RIMS2: variants seen among roughly 807,000 people sequenced by gnomAD.
The protein encoded by RIMS2 is regulating synaptic membrane exocytosis protein 2.
RIMS2 carries 59 observed loss-of-function variants against 174.4 expected under a neutral mutation model. The observed-to-expected ratio is 0.34, with a 90% CI of 0.27 to 0.42. The LOEUF is 0.42. RIMS2 is among the 10% of genes least tolerant of loss of function. The pLI, the probability that RIMS2 is intolerant of heterozygous loss-of-function variation, is 1.00. For synonymous variants in RIMS2, 606 were observed against 572.5 expected (o/e 1.06, Z -0.84); for missense variants, 1,620 against 1,666.3 (o/e 0.97, Z 0.48).
intron 19 of RIMS2, among the ~76,000 whole-genome samples, chr8:104,088,036 T>A (rs1598538232): frequency 6.6e-6 from 1 of 152,110 alleles, no homozygotes; most frequent in African/African-American, 2.4e-5. Flanking sequence ...TAGACCATTA[T>A]CACATAATAC....
At chr8:103,734,389 A>G (rs1369220872) in intron 2 of RIMS2, among the ~76,000 whole-genome samples, 1 of 147,954 alleles carries the variant, frequency 6.8e-6, no homozygotes, top group South Asian at 2.1e-4. Flanking sequence ...ACTTTTGTAC[A>G]TCTGAAAATG....
At chr8:104,233,840 A>G (rs1308532476) in intron 19 of RIMS2, among the ~76,000 whole-genome samples, 1 of 152,206 alleles carries the variant, frequency 6.6e-6, no homozygotes, top group African/African-American at 2.4e-5. Context: ...CTTTCAGCCT[A>G]AAGATTCTGG....
rs572726942 is a variant in RIMS2, at chr8:103,591,807, A to G, written c.176+90745A>G. On this transcript the variant is annotated intron_variant, in intron 1 of 23. Coordinates refer to ENST00000504942, the Ensembl canonical transcript of RIMS2. ...ACTGCCTTAATTACTATGGATTTAG[A>G]ATAAGTATTGAAGATGGGATGTTTA... Among the ~76,000 whole-genome samples, 9 of 151,294 alleles carry G rather than the reference A, an allele frequency of 5.9e-5. No individual in the cohort carries two copies. In the East Asian group the frequency reaches 1.5e-3, roughly 26 times the overall value.
intron 9 of RIMS2, chr8:103,918,703 A>G (rs2077067968): frequency 1.9e-6 from 1 of 516,272 alleles, no homozygotes; most frequent in South Asian, 2.6e-5. Context: ...ATGTCTTATT[A>G]CAGATTTTTA....
intron 13 of RIMS2, among the ~76,000 whole-genome samples, chr8:103,941,014 G>A (rs978549039): frequency 2.6e-5 from 4 of 152,086 alleles, no homozygotes; most frequent in African/African-American, 9.7e-5. Context: ...TTGTGTCTTT[G>A]AACAAGTTAT....
chr8:104,153,387 G>T (rs534829659), intron 19 of RIMS2, among the ~76,000 whole-genome samples: 1 of 152,080 alleles, frequency 6.6e-6, no homozygotes, highest in African/African-American at 2.4e-5. Flanking sequence ...GAATTGACAC[G>T]TGCTATCCTA....
At chr8:103,742,874 T>G (rs1477430567) in intron 2 of RIMS2, among the ~76,000 whole-genome samples, 1 of 152,168 alleles carries the variant, frequency 6.6e-6, no homozygotes, top group Non-Finnish European at 1.5e-5. Flanking sequence ...GAGGACATTA[T>G]CTTACATATA....
At chr8:103,824,675 T>G (rs1302426418) in intron 3 of RIMS2, among the ~76,000 whole-genome samples, 1 of 152,188 alleles carries the variant, frequency 6.6e-6, no homozygotes, top group African/African-American at 2.4e-5. Flanking sequence ...GTAGAGCAGC[T>G]CTGGTATAGA....
intron 3 of RIMS2, among the ~76,000 whole-genome samples, chr8:103,814,871 T>C (rs1279787624): frequency 1.3e-5 from 2 of 152,120 alleles, no homozygotes; most frequent in South Asian, 2.1e-4. Context: ...TCTATACTGA[T>C]ATAGAAGGGG....
exon 23 of RIMS2, chr8:104,251,129 C>A: frequency 6.2e-7 from 1 of 1,613,084 alleles, no homozygotes; most frequent in South Asian, 1.1e-5. Context: ...CAGCTATTAT[C>A]TTTCGAAGAG....
At chr8:103,965,714 T>C (rs1299159225) in intron 15 of RIMS2, among the ~76,000 whole-genome samples, 4 of 152,156 alleles carry the variant, frequency 2.6e-5, no homozygotes, top group African/African-American at 9.6e-5. Context: ...CCTTACCTTG[T>C]TTCTGATCTC....
At position 103,668,246 on chromosome 8, in the gene RIMS2, A is replaced by T. The variant is rs143001062; in HGVS notation, c.177-28840A>T. Among the ~76,000 whole-genome samples, 10 of 152,314 alleles carry T rather than the reference A, an allele frequency of 6.6e-5. No individual in the cohort carries two copies. The East Asian group carries it at 1.9e-3, about 29-fold the overall frequency. ...CCAAGGCAACCTAGTTGATTCAATT[A>T]GTTTTGCTTAATGTTACTGTATTTG... On this transcript the variant is annotated intron_variant, in intron 1 of 23. Coordinates refer to ENST00000504942, the Ensembl canonical transcript of RIMS2.
At chr8:104,057,994 A>G (rs1032017139) in intron 19 of RIMS2, among the ~76,000 whole-genome samples, 2 of 151,906 alleles carry the variant, frequency 1.3e-5, no homozygotes, top group African/African-American at 4.8e-5. Flanking sequence ...TTGGTTCCAC[A>G]TCTTTGCTAT....
intron 13 of RIMS2, among the ~76,000 whole-genome samples, chr8:103,940,449 G>A (rs1180445595): frequency 6.6e-6 from 1 of 152,020 alleles, no homozygotes; most frequent in Non-Finnish European, 1.5e-5. Context: ...TATTGTGGGA[G>A]TTAAAATTCA....
intron 2 of RIMS2, among the ~76,000 whole-genome samples, chr8:103,703,834 A>AT (rs1248712633): frequency 6.6e-6 from 1 of 151,880 alleles, no homozygotes; most frequent in Non-Finnish European, 1.5e-5. Flanking sequence ...TTGTATGTTG[A>AT]TTTTGTATCC....
chr8:104,152,050 CTTT>C (rs2098693079), intron 19 of RIMS2, among the ~76,000 whole-genome samples: 1 of 152,090 alleles, frequency 6.6e-6, no homozygotes, highest in Non-Finnish European at 1.5e-5. Flanking sequence ...ATATATCTTT[CTTT>C]GATTGTATTT....
In RIMS2 at chr8:103,854,447, A is replaced by C. The variant is rs139039699; in HGVS notation, c.699-30851A>C. On this transcript the variant is annotated intron_variant, in intron 3 of 23. Transcript: ENST00000504942. Reference sequence around the variant, plus strand: ...CCTTGTCTTGTTCCATTTCTCAAGGAGAATGGTTCCAGCTTTTGCCTAATC... The same window carrying C: ...CCTTGTCTTGTTCCATTTCTCAAGGCGAATGGTTCCAGCTTTTGCCTAATC... Among the ~76,000 whole-genome samples, 580 of 152,044 alleles carry C rather than the reference A, an allele frequency of 3.8e-3. 1 individual carries two copies. The highest frequency in any genetic ancestry group is 7.0e-3 in the Non-Finnish European group (477 of 67,914).
intron 19 of RIMS2, among the ~76,000 whole-genome samples, chr8:104,049,145 C>G (rs1597738538): frequency 2.0e-5 from 3 of 150,304 alleles, no homozygotes; most frequent in South Asian, 4.2e-4. Context: ...AAAAAAAAGG[C>G]CGGGCGGTGG....
Position 103,961,095 on chromosome 8 carries a change from C to CT in RIMS2, c.2733dup (p.Asp912Ter). The CT allele has an allele frequency of 6.6e-7, 1 of 1,506,734 alleles. No individual in the cohort carries two copies. The highest frequency in any genetic ancestry group is 9.2e-7 in the Non-Finnish European group (1 of 1,082,786). 93.3% of individuals were successfully genotyped at this position (1,506,734 alleles called of 1,614,324 possible). The stretch of plus-strand genomic sequence containing the variant: ...AAGAGAATAAGTGATAGTGAAGTCT[C>CT]TGACTATGACTGTGATGATGGAATT... On this transcript the variant is annotated frameshift_variant, in exon 15 of 24. Coordinates refer to ENST00000504942, the Ensembl canonical transcript of RIMS2. LOFTEE classifies it high-confidence loss of function.
Sources: gnomAD v4.1 joint callset for allele counts (sites outside exome capture counted in the v4.1 genomes callset) on GRCh38, gnomAD v4.1.1 for gene constraint, MANE v1.5 for transcripts, NCBI Gene and HGNC (gene_info 2026-07-23, HGNC 2026-07-21) for gene names.